Variants in GTF2E2 observed in about 807,000 individuals in gnomAD.
The protein encoded by GTF2E2 is general transcription factor IIE subunit 2, also known as transcription initiation factor IIE subunit beta.
A neutral mutation model predicts 40.5 loss-of-function variants in GTF2E2; 21 were observed. The observed-to-expected ratio is 0.52, with a 90% CI of 0.37 to 0.75. The LOEUF is 0.75. Ranked by LOEUF, GTF2E2 falls within the 30% of genes least tolerant of loss-of-function variation. GTF2E2 has a pLI of 0.00. For synonymous variants in GTF2E2, 117 were observed against 121.6 expected (o/e 0.96, Z 0.25); for missense variants, 298 against 338.4 (o/e 0.88, Z 0.94).
chr8:30,599,836 A>G (rs1829123805), intron 6 of GTF2E2, among the ~76,000 whole-genome samples: 1 of 152,042 alleles, frequency 6.6e-6, no homozygotes, highest in South Asian at 2.1e-4. Context: ...TACAAAAATT[A>G]GCTGGGCGTG....
intron 6 of GTF2E2, among the ~76,000 whole-genome samples, chr8:30,594,884 G>C (rs935665967): frequency 6.6e-6 from 1 of 150,950 alleles, no homozygotes; most frequent in Non-Finnish European, 1.5e-5. Context: ...GTATATACTA[G>C]AGTCTTGCTT....
intron 6 of GTF2E2, among the ~76,000 whole-genome samples, chr8:30,592,460 A>G (rs1292187943): frequency 1.3e-5 from 2 of 152,220 alleles, no homozygotes; most frequent in Non-Finnish European, 2.9e-5. Context: ...GCCTAATTCC[A>G]TTACGGCTCA....
chr8:30,617,456 G>A (rs1348900654), intron 3 of GTF2E2, among the ~76,000 whole-genome samples: 2 of 152,124 alleles, frequency 1.3e-5, no homozygotes, highest in African/African-American at 4.8e-5. Context: ...ACAAAAGTTA[G>A]ATATGGCCGG....
chr8:30,646,616 TCAAAATAACAAAA>T (rs1486592577), intron 2 of GTF2E2, among the ~76,000 whole-genome samples: 15 of 152,126 alleles, frequency 9.9e-5, no homozygotes, highest in Non-Finnish European at 1.3e-4. Flanking sequence ...ATGGCATTAC[TCAAAATAACAAAA>T]AATTGAAAAT....
At chr8:30,632,872 A>G (rs1801482477) in intron 3 of GTF2E2, among the ~76,000 whole-genome samples, 1 of 152,158 alleles carries the variant, frequency 6.6e-6, no homozygotes, top group Non-Finnish European at 1.5e-5. Flanking sequence ...GAAGATTCTG[A>G]TATCACAAAA....
intron 6 of GTF2E2, among the ~76,000 whole-genome samples, chr8:30,586,640 T>G (rs1404491889): frequency 6.6e-6 from 1 of 152,150 alleles, no homozygotes; most frequent in Non-Finnish European, 1.5e-5. Flanking sequence ...CAAACTATAT[T>G]ACAATGCTAC....
At position 30,579,827 on chromosome 8, in the gene GTF2E2, T is replaced by C. The variant is rs142507887; in HGVS notation, c.759+454A>G. 1.2e-4 allele frequency among the ~76,000 whole-genome samples: 18 copies of C among 152,328 alleles called. No individual in the cohort carries two copies. The East Asian group carries it at 2.7e-3, about 23-fold the overall frequency. On this transcript the variant is annotated intron_variant, in intron 7 of 7. Transcript: ENST00000355904. Reference sequence around the variant, plus strand: ...CCCTGTGAGCAGGATTTAGAGACTATACGGACAAAAATATCTGGTTCCTAG... The same window carrying C: ...CCCTGTGAGCAGGATTTAGAGACTACACGGACAAAAATATCTGGTTCCTAG...
At chr8:30,637,968 C>G (rs778973756) in intron 2 of GTF2E2, among the ~76,000 whole-genome samples, 3 of 152,218 alleles carry the variant, frequency 2.0e-5, no homozygotes, top group Non-Finnish European at 2.9e-5. Flanking sequence ...AATACTCTGT[C>G]TCTAAAGAGC....
chr8:30,591,853 A>G (rs1828860122), intron 6 of GTF2E2, among the ~76,000 whole-genome samples: 1 of 152,214 alleles, frequency 6.6e-6, no homozygotes, highest in Non-Finnish European at 1.5e-5. Flanking sequence ...TATTCACAAC[A>G]GCCAAAAAGT....
intron 5 of GTF2E2, among the ~76,000 whole-genome samples, chr8:30,608,047 C>A (rs767027047): frequency 6.6e-6 from 1 of 151,994 alleles, no homozygotes; most frequent in Non-Finnish European, 1.5e-5. Context: ...ATTGAGTACA[C>A]CTGACAAAAA....
At chr8:30,634,599 C>T (rs17636471) in intron 3 of GTF2E2, among the ~76,000 whole-genome samples, 1 of 152,002 alleles carries the variant, frequency 6.6e-6, no homozygotes, top group African/African-American at 2.4e-5. Context: ...CAGTAAATGT[C>T]TAATTTTCTC....
At chr8:30,624,479 T>C (rs912883889) in intron 3 of GTF2E2, among the ~76,000 whole-genome samples, 1 of 152,198 alleles carries the variant, frequency 6.6e-6, no homozygotes, top group African/African-American at 2.4e-5. Flanking sequence ...GGCTTAGGAC[T>C]GACTTCACAA....
chr8:30,586,938 T>A (rs1006458577), intron 6 of GTF2E2, among the ~76,000 whole-genome samples: 2 of 152,122 alleles, frequency 1.3e-5, no homozygotes, highest in African/African-American at 4.8e-5. Flanking sequence ...AACACAACAC[T>A]GGTCAGGGCA....
intron 6 of GTF2E2, among the ~76,000 whole-genome samples, chr8:30,582,891 T>C (rs1457849651): frequency 6.6e-6 from 1 of 152,214 alleles, no homozygotes; most frequent in Non-Finnish European, 1.5e-5. Flanking sequence ...AATGGAGAGA[T>C]ATTTTCAGAC....
intron 2 of GTF2E2, chr8:30,637,322 T>C (rs1801637069): frequency 2.2e-6 from 1 of 455,494 alleles, no homozygotes; most frequent in Non-Finnish European, 4.4e-6. Context: ...ACCACACAAA[T>C]GGCCAATTAT....
chr8:30,598,050 AT>A (rs1264468036), intron 6 of GTF2E2, among the ~76,000 whole-genome samples: 1 of 152,224 alleles, frequency 6.6e-6, no homozygotes, highest in Non-Finnish European at 1.5e-5. Context: ...TTAAGTTCTA[AT>A]TTATCAACAT....
rs142263430 is a variant in GTF2E2, at chr8:30,584,010, G to C, written c.644-3614C>G. On this transcript the variant is annotated intron_variant, in intron 6 of 7. Coordinates refer to ENST00000355904, the MANE Select transcript of GTF2E2 (RefSeq NM_002095.6). ...TTTAGTAGAGACAGGGTTTCACCGT[G>C]TTATCCAGGATGGTCTCGATCTCCT... 8.3e-3 allele frequency among the ~76,000 whole-genome samples: 1,256 copies of C among 151,026 alleles called. 3 individuals are homozygous for C. Among genetic ancestry groups the C allele is most frequent in the South Asian group, 0.012 (60 of 4,808 alleles).
intron 2 of GTF2E2, among the ~76,000 whole-genome samples, chr8:30,652,459 T>C (rs773939832): frequency 1.3e-5 from 2 of 151,242 alleles, no homozygotes; most frequent in Admixed American, 6.6e-5. Flanking sequence ...AATAAGCACA[T>C]GAAACAATGT....
intron 6 of GTF2E2, among the ~76,000 whole-genome samples, chr8:30,603,309 G>A (rs2151121150): frequency 6.6e-6 from 1 of 152,232 alleles, no homozygotes; most frequent in African/African-American, 2.4e-5. Context: ...ATGATGGGGA[G>A]ATTACAACAT....
Sources: gnomAD v4.1 joint callset for allele counts (sites outside exome capture counted in the v4.1 genomes callset) on GRCh38, gnomAD v4.1.1 for gene constraint, MANE v1.5 for transcripts, NCBI Gene and HGNC (gene_info 2026-07-23, HGNC 2026-07-21) for gene names.